PKP3: variants seen among roughly 807,000 people sequenced by gnomAD.
PKP3 encodes the protein plakophilin 3.
In PKP3, 66 loss-of-function variants were observed where a neutral mutation model predicts 76.5. The ratio of observed to expected loss-of-function variants is 0.86; its 90% CI spans 0.71 to 1.06. The LOEUF is 1.06. PKP3 is among the 50% of genes least tolerant of loss of function. PKP3 has a pLI of 0.00. For synonymous variants in PKP3, 638 were observed against 516.5 expected (o/e 1.24, Z -3.19); for missense variants, 1,338 against 1,141.0 (o/e 1.17, Z -2.49).
chr11:403,593 C>T (rs557360388), intron 9 of PKP3, 25 bp from the exon 10 acceptor site: 14 of 1,597,312 alleles, frequency 8.8e-6, no homozygotes, highest in South Asian at 2.2e-5. Context: ...CTCCGGGTCA[C>T]GGCTCACACC....
rs906175697 is a variant in PKP3, at chr11:403,846, C to T, written c.2077+75C>T. 257 of 1,581,260 alleles carry T rather than the reference C, an allele frequency of 1.6e-4. 3 individuals are homozygous for T. In the South Asian group the frequency reaches 2.6e-3, roughly 16 times the overall value. ...TTTGTCTTTAAGTGTGGGCTTCAGA[C>T]CACTGGGGCCAGTCCAGCTCCCTGG... On this transcript the variant is annotated intron_variant, in intron 10 of 12. Transcript: ENST00000331563.
Position 403,272 on chromosome 11 carries a change from C to T in PKP3, c.1923+9C>T. 2.6e-6 allele frequency: 4 copies of T among 1,565,248 alleles called. No homozygotes were observed. The South Asian group carries it at 3.5e-5, about 14-fold the overall frequency. Reference sequence around the variant, plus strand: ...CGGCAGGCGACCGCAGGGTGGGGCACCCAACCCAGACCCGAGGGGGTCCCA... The same window carrying T: ...CGGCAGGCGACCGCAGGGTGGGGCATCCAACCCAGACCCGAGGGGGTCCCA... On this transcript the variant is annotated intron_variant, in intron 9 of 12. Coordinates refer to ENST00000331563, the MANE Select transcript of PKP3 (RefSeq NM_007183.4).
chr11:395,778 C>T (rs950624753), intron 1 of PKP3, among the ~76,000 whole-genome samples: 3 of 152,214 alleles, frequency 2.0e-5, no homozygotes, highest in Non-Finnish European at 2.9e-5. Flanking sequence ...CTGAGCCCCT[C>T]AGCCAGGTCG....
At position 394,460 on chromosome 11, in the gene PKP3, G is replaced by A; in HGVS notation, c.168G>A (p.Gln56=). The change falls in exon 1 of 13, where the codon CAG becomes CAA. Residue 56 remains glutamine, a synonymous_variant. Coordinates refer to ENST00000331563, the MANE Select transcript of PKP3 (RefSeq NM_007183.4). ...VQEQVRARLL[Q]LGQQPRHNGA... is the part of the protein sequence containing the mutation. ...AGCAGGTCCGCGCCCGCCTCTTGCA[G>A]CTGGGACAGCAGCCGCGGCACAACG... is the stretch of plus-strand genomic sequence containing the variant. 2 of 1,445,600 alleles carry A rather than the reference G, an allele frequency of 1.4e-6. No individual in the cohort carries two copies. The highest frequency in any genetic ancestry group is 1.8e-6 in the Non-Finnish European group (2 of 1,106,088). The allele number at this position is 1,445,600 out of a possible 1,614,324, so 89.5% of individuals were successfully genotyped here. A position where few individuals can be genotyped will look rare whatever the true frequency, so the allele number is the denominator to read the frequency against.
At position 403,220 on chromosome 11, in the gene PKP3, C is replaced by A. The variant is rs1169344180; in HGVS notation, c.1880C>A (p.Ala627Glu). The A allele has an allele frequency of 6.3e-7, 1 of 1,589,654 alleles. No individual in the cohort carries two copies. The highest frequency in any genetic ancestry group is 1.8e-5 in the Admixed American group (1 of 56,856). The part of the protein sequence containing the change: ...RCELNRHTTE[A>E]AAGALQNITA... ...GAGCTCAACCGGCACACGACGGAGG[C>A]GGCCGCCGGGGCGCTGCAGAACATC... Residue 627 changes from alanine to glutamate, a missense_variant, in exon 9 of 13, where the codon GCG (alanine) becomes GAG (glutamate). Physicochemically the swap from Ala to Glu is moderately radical, Grantham distance 107. Coordinates refer to ENST00000331563, the MANE Select transcript of PKP3 (RefSeq NM_007183.4).
In PKP3 at chr11:403,710, G is replaced by A; in HGVS notation, c.2016G>A (p.Leu672=). ...DRVRTADHHQ[L]RSLTGLIRNL... ...TCAGGACCGCCGACCACCACCAGCT[G>A]CGCTCACTGACTGGCCTCATCCGAA... Residue 672 remains leucine, a synonymous_variant, in exon 10 of 13, where the codon CTG becomes CTA. Transcript: ENST00000331563. 1 of 1,610,332 alleles carries A rather than the reference G, an allele frequency of 6.2e-7. No homozygotes were observed. The highest frequency in any genetic ancestry group is 1.7e-4 in the Middle Eastern group (1 of 6,060).
rs1257642795 is a variant in PKP3 at position 400,718 on chromosome 11, C to G, written c.1737+13C>G. 1.6e-6 allele frequency: 2 copies of G among 1,231,316 alleles called. No homozygotes were observed. Among genetic ancestry groups the G allele is most frequent in the East Asian group, 3.4e-5 (1 of 29,394 alleles). The allele number at this position is 1,231,316 out of a possible 1,614,324, so 76.3% of individuals were successfully genotyped here. On this transcript the variant is annotated intron_variant, in intron 8 of 12. Coordinates refer to ENST00000331563, the MANE Select transcript of PKP3 (RefSeq NM_007183.4). Reference sequence around the variant, plus strand: ...GCGGCTGCGCGAGGTGGGCACCAGCCTGAGCGGGGCGTGGGGTGGGTGCTG... The same window carrying G: ...GCGGCTGCGCGAGGTGGGCACCAGCGTGAGCGGGGCGTGGGGTGGGTGCTG...
At chr11:400,779 C>A in intron 8 of PKP3, 74 bp downstream of exon 8, 2 of 837,758 alleles carry the variant, frequency 2.4e-6, no homozygotes, top group Non-Finnish European at 1.5e-6. Context: ...CCCGCTCACC[C>A]CCGCCCCGCT....
At chr11:399,842 C>A in intron 5 of PKP3, 125 bp from the exon 6 acceptor site, 1 of 759,762 alleles carries the variant, frequency 1.3e-6, no homozygotes, top group Non-Finnish European at 2.1e-6. Context: ...CCCAGTGGGG[C>A]TCGTGGGTGA....
chr11:396,901 A>G lies in PKP3; in HGVS notation c.400A>G (p.Ser134Gly). 6.3e-7 allele frequency: 1 copy of G among 1,597,672 alleles called. No homozygotes were observed. The highest frequency in any genetic ancestry group is 8.5e-7 in the Non-Finnish European group (1 of 1,175,092). The change falls in exon 3 of 13, where the codon AGT becomes GGT. Residue 134 changes from serine to glycine, a missense_variant. Transcript: ENST00000331563. ...AVDLSCSRRL[S>G]SAHNGGSAFG... ...GGATCTGAGCTGCAGTCGGAGGCTG[A>G]GTTCAGCCCACAACGGGGGCAGCGC... is the stretch of plus-strand genomic sequence containing the variant.
chr11:394,531 G>A lies in PKP3; in HGVS notation c.232+7G>A, dbSNP rs902016915. ...GAGGCCGAGACTGCCAGAGGTAGGC[G>A]GTGGGGACAGCGGCGGGGATGGCGG... On this transcript the variant is annotated splice_region_variant and intron_variant, in intron 1 of 12. Coordinates refer to ENST00000331563, the MANE Select transcript of PKP3 (RefSeq NM_007183.4). The A allele has an allele frequency of 1.1e-5, 15 of 1,372,404 alleles. No individual in the cohort carries two copies. Among genetic ancestry groups the A allele is most frequent in the East Asian group, 3.0e-5 (1 of 32,914 alleles). 85.0% of individuals were successfully genotyped at this position (1,372,404 alleles called of 1,614,324 possible).
intron 9 of PKP3, 150 bp downstream of exon 9, chr11:403,413 C>T: frequency 1.2e-6 from 1 of 845,864 alleles, no homozygotes; most frequent in Non-Finnish European, 1.8e-6. Context: ...GGCCTTGGGC[C>T]TTGGGAGGAT....
intron 1 of PKP3, 148 bp downstream of exon 1, chr11:394,672 T>G: frequency 3.1e-6 from 2 of 654,346 alleles, no homozygotes; most frequent in Non-Finnish European, 4.6e-6. Context: ...CCCAGGGGCG[T>G]GGGGAGAAGC....
rs778551650 is a variant in PKP3, at chr11:403,189, C to T, written c.1849C>T (p.Arg617Cys). 82 of 1,589,310 alleles carry T rather than the reference C, an allele frequency of 5.2e-5. No individual in the cohort carries two copies. Among genetic ancestry groups the T allele is most frequent in the Non-Finnish European group, 6.8e-5 (79 of 1,169,980 alleles). The change falls in exon 9 of 13, where the codon CGC becomes TGC. Residue 617 changes from arginine to cysteine, a missense_variant. Physicochemically the swap from Arg to Cys is radical, Grantham distance 180 (BLOSUM62 -3). Transcript: ENST00000331563. ...IVGLYNRLLQ[R>C]CELNRHTTEA... is the part of the protein sequence containing the mutation. ...GGGGCTGTACAACCGGCTGCTGCAG[C>T]GCTGCGAGCTCAACCGGCACACGAC...
In PKP3 at chr11:396,708, G is replaced by A. The variant is rs772593522; in HGVS notation, c.312+21G>A. On this transcript the variant is annotated intron_variant, in intron 2 of 12. Transcript: ENST00000331563. ...CCTCGGTGAGCGATGGGCCCAGCCC[G>A]AGGGGGACGATCTGAGCTCTGCAGT... The A allele has an allele frequency of 1.6e-5, 26 of 1,601,122 alleles. No individual in the cohort carries two copies. The East Asian group carries it at 1.8e-4, about 11-fold the overall frequency.
Position 394,382 on chromosome 11 carries a change from C to T in PKP3, c.90C>T (p.Arg30=). ...LALPSDLQLD[R]RGAEGPEAER... is the part of the protein sequence containing the mutation. ...TGCCCTCTGACCTGCAGCTGGACCG[C>T]CGGGGCGCCGAGGGGCCGGAGGCCG... The change falls in exon 1 of 13, where the codon CGC becomes CGT. Residue 30 remains arginine, a synonymous_variant. Transcript: ENST00000331563. 1 of 1,494,458 alleles carries T rather than the reference C, an allele frequency of 6.7e-7. No homozygotes were observed. Among genetic ancestry groups the T allele is most frequent in the Non-Finnish European group, 8.8e-7 (1 of 1,130,088 alleles). 92.6% of individuals were successfully genotyped at this position (1,494,458 alleles called of 1,614,324 possible).
chr11:398,718 G>C (rs376325028), intron 4 of PKP3, among the ~76,000 whole-genome samples: 27 of 5,456 alleles, frequency 4.9e-3, no homozygotes, highest in Non-Finnish European at 5.9e-3. Context: ...GCACACACCT[G>C]CGTCACCTCC....
chr11:400,469 G>T lies in PKP3; in HGVS notation c.1566+18G>T, dbSNP rs1310300813. On this transcript the variant is annotated intron_variant, in intron 7 of 12. Coordinates refer to ENST00000331563, the MANE Select transcript of PKP3 (RefSeq NM_007183.4). ...AGGACAAGGTGAGGGGCGCGGTGTG[G>T]AGGAGGGGCCGTGCCCCCGGGCCGC... The T allele has an allele frequency of 5.2e-6, 8 of 1,530,370 alleles. No individual in the cohort carries two copies. In the East Asian group the frequency reaches 2.0e-4, roughly 38 times the overall value. The allele number at this position is 1,530,370 out of a possible 1,614,324, so 94.8% of individuals were successfully genotyped here.
chr11:399,270 CCA>C, intron 5 of PKP3, 74 bp downstream of exon 5: 1 of 870,586 alleles, frequency 1.1e-6, no homozygotes, highest in Non-Finnish European at 1.6e-6. Flanking sequence ...GCCTTCCTCC[CCA>C]CCTGCCCCCC....
Sources: allele counts gnomAD v4.1 joint callset (sites outside exome capture counted in the v4.1 genomes callset), GRCh38; gene constraint gnomAD v4.1.1; transcripts MANE v1.5; gene names NCBI Gene and HGNC (gene_info 2026-07-23, HGNC 2026-07-21).